The following UNC5B variants were observed in gnomAD, a reference collection of about 807,000 sequenced individuals.
UNC5B encodes netrin receptor UNC5B.
Under a neutral mutation model 103.7 loss-of-function variants are expected in UNC5B, and 56 were observed. The observed-to-expected ratio is 0.54, with a 90% CI of 0.44 to 0.67. The LOEUF (loss-of-function observed/expected upper bound fraction) is 0.67. UNC5B is among the 30% of genes least tolerant of loss of function. UNC5B has a pLI of 0.00. For synonymous variants in UNC5B, 577 were observed against 542.0 expected, an observed-to-expected ratio of 1.06 and a Z score of -0.90; for missense variants, 1,194 against 1,284.5, an observed-to-expected ratio of 0.93 and a Z score of 1.08.
intron 1 of UNC5B, among the ~76,000 whole-genome samples, chr10:71,244,470 T>C (rs1843977674): frequency 6.6e-6 from 1 of 152,222 alleles, no homozygotes; most frequent in South Asian, 2.1e-4. Context: ...TGGCCTCTAG[T>C]GTTCCAGTGA....
At chr10:71,287,530 G>T in intron 5 of UNC5B, 68 bp from the exon 6 acceptor site, 12 of 1,513,542 alleles carry the variant, frequency 7.9e-6, no homozygotes, top group Non-Finnish European at 1.1e-5. Flanking sequence ...TCAGGGTGAG[G>T]GACGGGTTTG....
intron 1 of UNC5B, among the ~76,000 whole-genome samples, chr10:71,263,875 G>A (rs1356651421): frequency 1.3e-5 from 2 of 152,158 alleles, no homozygotes; most frequent in Non-Finnish European, 2.9e-5. Flanking sequence ...CAGGGAGGGA[G>A]TCTAGCTGCC....
chr10:71,222,222 G>A (rs1843466864), intron 1 of UNC5B, among the ~76,000 whole-genome samples: 1 of 152,140 alleles, frequency 6.6e-6, no homozygotes, highest in African/African-American at 2.4e-5. Flanking sequence ...GGGTGTGAAT[G>A]TCTGGCACAT....
In UNC5B at chr10:71,299,190, T is replaced by C. The variant is rs762587442; in HGVS notation, c.2751T>C (p.Asp917=). 156 of 1,614,100 alleles carry C rather than the reference T, an allele frequency of 9.7e-5. No individual in the cohort carries two copies. The highest frequency in any genetic ancestry group is 1.3e-4 in the Non-Finnish European group (149 of 1,180,044). The change falls in exon 17 of 17, where the codon GAT becomes GAC. Residue 917 remains aspartate (D), a synonymous_variant. Coordinates refer to ENST00000335350, the MANE Select transcript of UNC5B (RefSeq NM_170744.5). The part of the protein sequence containing the change: ...LDLWEALQQD[D]GDLNSLASAL... ...TCTGGGAAGCTCTGCAGCAGGACGA[T>C]GGGGACCTCAACAGCCTGGCGAGTG...
At chr10:71,273,015 AG>A (rs1269593571) in intron 1 of UNC5B, among the ~76,000 whole-genome samples, 2 of 152,178 alleles carry the variant, frequency 1.3e-5, no homozygotes, top group African/African-American at 4.8e-5. Context: ...CAGCCCCCCG[AG>A]TAGCTGGGAT....
intron 1 of UNC5B, among the ~76,000 whole-genome samples, chr10:71,255,591 C>T (rs753902001): frequency 6.6e-6 from 1 of 152,188 alleles, no homozygotes; most frequent in African/African-American, 2.4e-5. Context: ...ACTCCTTGTT[C>T]GTAATTAGCG....
chr10:71,281,427 G>A (rs1267890664), intron 2 of UNC5B, among the ~76,000 whole-genome samples: 5 of 150,868 alleles, frequency 3.3e-5, no homozygotes, highest in South Asian at 2.1e-4. Context: ...TGCAACCTCC[G>A]CCTCCCAGAT....
At chr10:71,222,305 G>A (rs1843468357) in intron 1 of UNC5B, among the ~76,000 whole-genome samples, 1 of 76,542 alleles carries the variant, frequency 1.3e-5, no homozygotes, top group African/African-American at 3.5e-5. Flanking sequence ...GACTTCTAGG[G>A]CCAGAGGTCT....
intron 1 of UNC5B, among the ~76,000 whole-genome samples, chr10:71,243,141 A>G: frequency 6.6e-6 from 1 of 152,184 alleles, no homozygotes; most frequent in South Asian, 2.1e-4. Flanking sequence ...AGGCTGAGGC[A>G]GGAGAATTGC....
At chr10:71,291,250 G>T (rs1845246076) in intron 9 of UNC5B, 141 bp downstream of exon 9, 2 of 1,322,898 alleles carry the variant, frequency 1.5e-6, no homozygotes, top group African/African-American at 1.5e-5. Flanking sequence ...ATGTGGATGG[G>T]TATGGATTAG....
intron 1 of UNC5B, among the ~76,000 whole-genome samples, chr10:71,271,812 G>A (rs906747884): frequency 7.2e-5 from 11 of 152,212 alleles, no homozygotes; most frequent in African/African-American, 1.9e-4. Context: ...TGGCGAAGCC[G>A]CTTCCTGTGA....
chr10:71,284,835 G>C lies in UNC5B; in HGVS notation c.420G>C (p.Lys140Asn). ...CVAWSSAGTT[K>N]SRRAYVRIAY... ...CCTGGAGCTCCGCGGGCACCACCAA[G>C]AGTCGCCGAGCCTACGTCCGCATCG... Residue 140 changes from lysine to asparagine, a missense_variant, in exon 3 of 17, where the codon AAG becomes AAC. Lys to Asn is a moderately conservative substitution (Grantham distance 94). Transcript: ENST00000335350. The C allele has an allele frequency of 6.2e-7, 1 of 1,612,110 alleles. No individual in the cohort carries two copies. The highest frequency in any genetic ancestry group is 1.1e-5 in the South Asian group (1 of 90,958).
chr10:71,216,099 A>G (rs1843324495), intron 1 of UNC5B, among the ~76,000 whole-genome samples: 1 of 152,034 alleles, frequency 6.6e-6, no homozygotes, highest in African/African-American at 2.4e-5. Flanking sequence ...CATTTATTTA[A>G]CTGTTGACAC....
intron 1 of UNC5B, among the ~76,000 whole-genome samples, chr10:71,268,634 C>T (rs1039608316): frequency 1.3e-5 from 2 of 152,190 alleles, no homozygotes; most frequent in African/African-American, 4.8e-5. Flanking sequence ...TTGGCAGTTG[C>T]CTCCCCTTTG....
chr10:71,261,942 C>T (rs1438395805), intron 1 of UNC5B, among the ~76,000 whole-genome samples: 2 of 149,444 alleles, frequency 1.3e-5, no homozygotes, highest in African/African-American at 5.0e-5. Flanking sequence ...CAAGAGAGGC[C>T]TCAGTTGACT....
chr10:71,257,409 G>C (rs1407670967), intron 1 of UNC5B, among the ~76,000 whole-genome samples: 1 of 152,242 alleles, frequency 6.6e-6, no homozygotes, highest in Non-Finnish European at 1.5e-5. Context: ...CAGGACCCCT[G>C]GCACCTCTCT....
At chr10:71,240,753 CTGA>C (rs562595542) in intron 1 of UNC5B, among the ~76,000 whole-genome samples, 294 of 152,348 alleles carry the variant, frequency 1.9e-3, no homozygotes, top group African/African-American at 6.6e-3. Context: ...AGAGGCGTAG[CTGA>C]TATTTCTGGC....
intron 1 of UNC5B, among the ~76,000 whole-genome samples, chr10:71,248,776 A>G (rs1456268479): frequency 2.0e-5 from 3 of 152,070 alleles, no homozygotes; most frequent in Non-Finnish European, 2.9e-5. Context: ...CTGAACTCAT[A>G]GAGAACATTG....
At chr10:71,220,748 G>A (rs1211116959) in intron 1 of UNC5B, among the ~76,000 whole-genome samples, 1 of 152,218 alleles carries the variant, frequency 6.6e-6, no homozygotes, top group Non-Finnish European at 1.5e-5. Context: ...CTGTTGGCAT[G>A]CAGCCTGCCC....
Sources: allele counts gnomAD v4.1 joint callset (sites outside exome capture counted in the v4.1 genomes callset), GRCh38; gene constraint gnomAD v4.1.1; transcripts MANE v1.5; gene names NCBI Gene and HGNC (gene_info 2026-07-23, HGNC 2026-07-21).